RIT2: variants seen among roughly 807,000 people sequenced by gnomAD.
RIT2 encodes the protein GTP-binding protein Rit2.
Under a neutral mutation model 23.7 loss-of-function variants are expected in RIT2, and 24 were observed. The observed-to-expected ratio is 1.01, with a 90% CI of 0.73 to 1.43. RIT2 has a LOEUF of 1.43. Among genes scored for constraint, RIT2 ranks in the 40% most tolerant of loss-of-function variants. The pLI is 0.00. For synonymous variants in RIT2, 107 were observed against 91.1 expected, an observed-to-expected ratio of 1.17 and a Z score of -0.99; for missense variants, 236 against 266.9, an observed-to-expected ratio of 0.88 and a Z score of 0.81.
At chr18:42,992,596 C>G (rs901613177) in intron 2 of RIT2, among the ~76,000 whole-genome samples, 2 of 152,144 alleles carry the variant, frequency 1.3e-5, no homozygotes, top group African/African-American at 4.8e-5. Flanking sequence ...ATCCTCCACC[C>G]TATAATCCTT....
At chr18:42,957,366 G>T (rs1411668527) in intron 3 of RIT2, among the ~76,000 whole-genome samples, 1 of 152,134 alleles carries the variant, frequency 6.6e-6, no homozygotes, top group African/African-American at 2.4e-5. Flanking sequence ...AAACTGTCTT[G>T]CCAATCCCTG....
intron 4 of RIT2, among the ~76,000 whole-genome samples, chr18:42,868,775 A>AT (rs1456495214): frequency 6.6e-6 from 1 of 152,208 alleles, no homozygotes; most frequent in Non-Finnish European, 1.5e-5. Flanking sequence ...TTAATTCATT[A>AT]TTTAATTTAC....
chr18:42,746,523 TATA>T (rs534550482), intron 4 of RIT2, among the ~76,000 whole-genome samples: 107 of 152,232 alleles, frequency 7.0e-4, no homozygotes, highest in Non-Finnish European at 1.3e-3. Context: ...GGGAATATTT[TATA>T]ATAATAAAGG....
chr18:43,080,359 G>C (rs1367517236), intron 1 of RIT2, among the ~76,000 whole-genome samples: 1 of 152,184 alleles, frequency 6.6e-6, no homozygotes, highest in Non-Finnish European at 1.5e-5. Context: ...TAAAGGAGTT[G>C]TATCTGGGAC....
chr18:43,048,517 C>T (rs997736855), intron 1 of RIT2, among the ~76,000 whole-genome samples: 1 of 152,068 alleles, frequency 6.6e-6, no homozygotes, highest in East Asian at 1.9e-4. Flanking sequence ...TTCATAGTTG[C>T]CTCATCTATA....
intron 3 of RIT2, among the ~76,000 whole-genome samples, chr18:42,949,636 T>G (rs1425506343): frequency 1.3e-5 from 2 of 152,080 alleles, no homozygotes; most frequent in Non-Finnish European, 2.9e-5. Flanking sequence ...TTCATAGCCT[T>G]CCTCAGCTCT....
chr18:43,085,263 T>C (rs1384861833), intron 1 of RIT2, among the ~76,000 whole-genome samples: 3 of 152,124 alleles, frequency 2.0e-5, no homozygotes, highest in Non-Finnish European at 4.4e-5. Context: ...CAATGTGATA[T>C]TTTTATCTAT....
intron 3 of RIT2, among the ~76,000 whole-genome samples, chr18:42,973,729 T>A (rs542771784): frequency 1.3e-5 from 2 of 152,040 alleles, no homozygotes; most frequent in Non-Finnish European, 2.9e-5. Context: ...GCTAAGCAGA[T>A]CTTTCTTTAT....
rs1335467089 is a variant in RIT2 at position 43,069,293 on chromosome 18, C to T, written c.104-35426G>A. Among the ~76,000 whole-genome samples the T allele has an allele frequency of 2.6e-5, 4 of 152,034 alleles. No individual in the cohort carries two copies. In the East Asian group the frequency reaches 7.7e-4, roughly 29 times the overall value. On this transcript the variant is annotated intron_variant, in intron 1 of 4. Transcript: ENST00000326695. ...TACTATTGGGAACGCCCTACTCTGT[C>T]TATGGAGTAGCTATTCTTTCACCAC...
At position 43,099,847 on chromosome 18, in the gene RIT2, G is replaced by A. The variant is rs142492872; in HGVS notation, c.103+15570C>T. 3.0e-3 allele frequency among the ~76,000 whole-genome samples: 454 copies of A among 152,088 alleles called. 10 individuals are homozygous for A. The highest frequency in any genetic ancestry group is 0.027 in the Admixed American group (407 of 15,266). On this transcript the variant is annotated intron_variant, in intron 1 of 4. Transcript: ENST00000326695. ...TCCTATCAATCACTAAATGCTTTTG[G>A]CATTTCTTTCAAAATATAACTAGAG... is the stretch of plus-strand genomic sequence containing the variant.
At chr18:42,838,575 G>C (rs1021738758) in intron 4 of RIT2, among the ~76,000 whole-genome samples, 1 of 152,092 alleles carries the variant, frequency 6.6e-6, no homozygotes, top group African/African-American at 2.4e-5. Context: ...AATTCAAGGA[G>C]GTCAAATGAC....
chr18:43,019,496 C>CAA (rs199713071), intron 2 of RIT2, among the ~76,000 whole-genome samples: 1 of 149,414 alleles, frequency 6.7e-6, no homozygotes, highest in African/African-American at 2.5e-5. Context: ...CCCTTCATGA[C>CAA]AAAAAAAAAC....
chr18:43,012,970 T>C (rs4430833), intron 2 of RIT2, among the ~76,000 whole-genome samples: 146,063 of 151,806 alleles, frequency 0.96, 70,505 homozygotes, highest in East Asian at 1. Flanking sequence ...TTCCAATGTC[T>C]GTTGATAGTA....
intron 4 of RIT2, among the ~76,000 whole-genome samples, chr18:42,906,655 T>C (rs916974224): frequency 2.0e-5 from 3 of 152,232 alleles, no homozygotes; most frequent in Non-Finnish European, 4.4e-5. Context: ...AATTGCAGAT[T>C]ATTTTCGTTT....
chr18:43,109,096 G>A (rs1913894981), intron 1 of RIT2, among the ~76,000 whole-genome samples: 1 of 152,132 alleles, frequency 6.6e-6, no homozygotes. Flanking sequence ...TCACTGAGGT[G>A]GAAGGAATTG....
At chr18:42,991,596 C>T (rs1244718605) in intron 2 of RIT2, among the ~76,000 whole-genome samples, 1 of 151,998 alleles carries the variant, frequency 6.6e-6, no homozygotes, top group Non-Finnish European at 1.5e-5. Flanking sequence ...GACATTCCAC[C>T]ACAAAAGAAA....
chr18:43,063,264 C>G (rs149949661), intron 1 of RIT2, among the ~76,000 whole-genome samples: 1 of 152,062 alleles, frequency 6.6e-6, no homozygotes, highest in Non-Finnish European at 1.5e-5. Context: ...ATTCACCATA[C>G]CTGTGTCAGG....
At chr18:43,059,319 C>T (rs1301944889) in intron 1 of RIT2, among the ~76,000 whole-genome samples, 1 of 151,976 alleles carries the variant, frequency 6.6e-6, no homozygotes, top group Non-Finnish European at 1.5e-5. Context: ...AAATAATTAC[C>T]TACGGACATA....
intron 3 of RIT2, among the ~76,000 whole-genome samples, chr18:42,927,690 A>G (rs911186793): frequency 6.6e-6 from 1 of 151,988 alleles, no homozygotes; most frequent in Non-Finnish European, 1.5e-5. Flanking sequence ...TCTGCTATCT[A>G]TGAGTAGCAA....
Sources: gnomAD v4.1 joint callset for allele counts (sites outside exome capture counted in the v4.1 genomes callset) on GRCh38, gnomAD v4.1.1 for gene constraint, MANE v1.5 for transcripts, NCBI Gene and HGNC (gene_info 2026-07-23, HGNC 2026-07-21) for gene names.